LIPE: variants seen among roughly 807,000 people sequenced by gnomAD.
LIPE encodes hormone-sensitive lipase.
LIPE carries 66 observed loss-of-function variants against 88.5 expected under a neutral mutation model. That is an observed-to-expected ratio of 0.75 (90% CI 0.61 to 0.91). LIPE has a LOEUF of 0.91. LIPE is among the 40% of genes least tolerant of loss of function. The pLI is 0.00. For missense variants in LIPE, 1,346 were observed against 1,434.7 expected, an observed-to-expected ratio of 0.94 and a Z score of 1.00; for synonymous variants, 570 against 617.5, an observed-to-expected ratio of 0.92 and a Z score of 1.14.
Position 42,402,601 on chromosome 19 carries a change from G to T in LIPE, c.2967+6C>A, listed in dbSNP as rs1286357455. On this transcript the variant is annotated splice_donor_region_variant and intron_variant, in intron 9 of 9. Coordinates refer to ENST00000244289, the MANE Select transcript of LIPE (RefSeq NM_005357.4). Reference sequence around the variant, plus strand: ...TGCACCTGTACCGGCCCCCTCTGTCGCTCACCACGATGTGCACAGGTGGCA... The same window carrying T: ...TGCACCTGTACCGGCCCCCTCTGTCTCTCACCACGATGTGCACAGGTGGCA... The T allele has an allele frequency of 1.4e-6, 2 of 1,474,076 alleles. No individual in the cohort carries two copies. The highest frequency in any genetic ancestry group is 1.8e-6 in the Non-Finnish European group (2 of 1,109,308). The allele number at this position is 1,474,076 out of a possible 1,614,324, so 91.3% of individuals were successfully genotyped here. A position where few individuals can be genotyped will look rare whatever the true frequency, so the allele number is the denominator to read the frequency against.
At chr19:42,417,158 G>C (rs1368818682) in intron 1 of LIPE, among the ~76,000 whole-genome samples, 1 of 152,220 alleles carries the variant, frequency 6.6e-6, no homozygotes, top group Non-Finnish European at 1.5e-5. Flanking sequence ...CTGACCTCGT[G>C]ATTCGCCTGC....
chr19:42,401,878 G>T lies in LIPE; in HGVS notation c.3165C>A (p.Ala1055=). ...CCGTCTCCCCGCTCGGCCCGGCTCC[G>T]GCGGGAGGAGTGAGGACGAGGCGGA... ...ERIRLVLTPP[A]GAGPSGETGA... is the part of the protein sequence containing the mutation. Residue 1055 remains alanine, a synonymous_variant, in exon 10 of 10, where the codon GCC becomes GCA. Transcript: ENST00000244289. The T allele has an allele frequency of 7.1e-7, 1 of 1,399,190 alleles. No homozygotes were observed. The allele number at this position is 1,399,190 out of a possible 1,614,324, so 86.7% of individuals were successfully genotyped here. A position where few individuals can be genotyped will look rare whatever the true frequency, so the allele number is the denominator to read the frequency against.
At position 42,407,404 on chromosome 19, in the gene LIPE, C is replaced by T. The variant is rs987341150; in HGVS notation, c.1907G>A (p.Arg636His). 40 of 1,613,408 alleles carry T rather than the reference C, an allele frequency of 2.5e-5. No individual in the cohort carries two copies. The highest frequency in any genetic ancestry group is 1.6e-4 in the Middle Eastern group (1 of 6,080). Residue 636 changes from arginine to histidine, a missense_variant, in exon 6 of 10, where the codon CGC becomes CAC. Arg to His is a conservative substitution (Grantham distance 29). Coordinates refer to ENST00000244289, the MANE Select transcript of LIPE (RefSeq NM_005357.4). This position sits in a 1 kb window ranked among gnomAD's most constrained non-coding sequence, Gnocchi z 5.8. ...NGQRSLELWP[R>H]PQQAPRSRSL... ...CCGCGAGCGGGGTGCCTGCTGGGGG[C>T]GCGGCCACAGCTCCAGGCTCCGTTG... is the stretch of plus-strand genomic sequence containing the variant.
chr19:42,410,218 A>G lies in LIPE; in HGVS notation c.1419+89T>C, dbSNP rs570682413. On this transcript the variant is annotated intron_variant, in intron 2 of 9. Coordinates refer to ENST00000244289, the MANE Select transcript of LIPE (RefSeq NM_005357.4). The surrounding 1 kb of genome is among the most constrained non-coding windows in gnomAD (Gnocchi z 6.1). ...TTTGCTGAGTCCGATAATGCTGACC[A>G]CTGGTTACTTTACCATACTATAGGC... 2.2e-5 allele frequency: 28 copies of G among 1,287,708 alleles called. No homozygotes were observed. The African/African-American group carries it at 4.2e-4, about 19-fold the overall frequency. The allele number at this position is 1,287,708 out of a possible 1,614,324, so 79.8% of individuals were successfully genotyped here.
intron 1 of LIPE, among the ~76,000 whole-genome samples, chr19:42,413,803 C>G (rs1244215677): frequency 6.6e-6 from 1 of 152,244 alleles, no homozygotes; most frequent in Non-Finnish European, 1.5e-5. Context: ...TGGGGCCTAT[C>G]ATGGGACCTG....
rs752791172 is a variant in LIPE, at chr19:42,427,143, G to A, written c.7C>T (p.Pro3Ser). Reference sequence around the variant, plus strand: ...GACCTAGACACTGACTTAGAACCTGGCTCCATTGTTATTTCCCTCACGGGA... The same window carrying A: ...GACCTAGACACTGACTTAGAACCTGACTCCATTGTTATTTCCCTCACGGGA... ME[P>S]GSKSVSRSDW... The change falls in exon 1 of 10, where the codon CCA becomes TCA. Residue 3 changes from proline (P) to serine (S), a missense_variant. Coordinates refer to ENST00000244289, the MANE Select transcript of LIPE (RefSeq NM_005357.4). The A allele has an allele frequency of 6.9e-6, 11 of 1,591,060 alleles. No homozygotes were observed. The highest frequency in any genetic ancestry group is 6.8e-5 in the South Asian group (6 of 88,110).
At chr19:42,411,241 C>T (rs763641949) in intron 1 of LIPE, 14 of 915,936 alleles carry the variant, frequency 1.5e-5, no homozygotes, top group Non-Finnish European at 1.7e-5. Flanking sequence ...TGAGCCCACA[C>T]GACTCTGCTT....
chr19:42,405,328 C>A, intron 8 of LIPE, 57 bp downstream of exon 8: 1 of 1,564,972 alleles, frequency 6.4e-7, no homozygotes. Flanking sequence ...TTTTGCTGTG[C>A]TAGGCTGTCC....
At chr19:42,403,150 A>C (rs2040045863) in intron 8 of LIPE, 119 bp from the exon 9 acceptor site, 1 of 1,038,258 alleles carries the variant, frequency 9.6e-7, no homozygotes, top group Non-Finnish European at 1.4e-6. Flanking sequence ...GTGTTTCCCC[A>C]GACTCTTGCC....
chr19:42,403,243 G>A lies in LIPE; in HGVS notation c.2543-212C>T, dbSNP rs1158930556. On this transcript the variant is annotated intron_variant, in intron 8 of 9. Transcript: ENST00000244289. ...GGGGCAGTGTGTTCTAGTGAAGGATGTGTGTGTGTGTGTGTGTGTGTGTGT... is the reference window on the plus strand; with the variant it reads ...GGGGCAGTGTGTTCTAGTGAAGGATATGTGTGTGTGTGTGTGTGTGTGTGT... Among the ~76,000 whole-genome samples the A allele has an allele frequency of 6.7e-5, 3 of 44,728 alleles. No individual in the cohort carries two copies. In the Admixed American group the frequency reaches 8.0e-4, roughly 12 times the overall value. The allele number at this position is 44,728 out of a possible 152,430, so 29.3% of individuals were successfully genotyped here.
chr19:42,402,646 G>A lies in LIPE; in HGVS notation c.2928C>T (p.Pro976=), dbSNP rs765857264. ...GTGGCAGGCTCTTGAGCATGCTGTCGGGTGCCAGCAGCGGCGACATGAAGG... is the reference window on the plus strand; with the variant it reads ...GTGGCAGGCTCTTGAGCATGCTGTCAGGTGCCAGCAGCGGCGACATGAAGG... ...KNPFMSPLLA[P]DSMLKSLPPV... is the part of the protein sequence containing the mutation. The change falls in exon 9 of 10, where the codon CCC becomes CCT. Residue 976 remains proline (P), a synonymous_variant. Transcript: ENST00000244289. 37 of 1,497,464 alleles carry A rather than the reference G, an allele frequency of 2.5e-5. No individual in the cohort carries two copies. The highest frequency in any genetic ancestry group is 3.6e-4 in the Middle Eastern group (2 of 5,544). The allele number at this position is 1,497,464 out of a possible 1,614,324, so 92.8% of individuals were successfully genotyped here.
Position 42,410,998 on chromosome 19 carries a change from C to T in LIPE, c.884-156G>A, listed in dbSNP as rs912510431. The stretch of plus-strand genomic sequence containing the variant: ...GCCCAGGACCCCAGGTTCCTCCTCC[C>T]TTAGACATAAGAGGTCACCCTCTTG... On this transcript the variant is annotated intron_variant, in intron 1 of 9. Coordinates refer to ENST00000244289, the MANE Select transcript of LIPE (RefSeq NM_005357.4). This position sits in a 1 kb window ranked among gnomAD's most constrained non-coding sequence, Gnocchi z 6.1. Among the ~76,000 whole-genome samples the T allele has an allele frequency of 3.3e-5, 5 of 152,190 alleles. No individual in the cohort carries two copies. The highest frequency in any genetic ancestry group is 7.3e-5 in the Non-Finnish European group (5 of 68,030).
Position 42,401,821 on chromosome 19 carries a change from C to CCCCCCGCAGCCCCCGTCTA in LIPE, c.3203_3221dup (p.His1076ArgfsTer21), listed in dbSNP as rs587777699. 1.5e-4 allele frequency: 222 copies of CCCCCCGCAGCCCCCGTCTA among 1,480,228 alleles called. 2 individuals carry two copies. Among genetic ancestry groups the CCCCCCGCAGCCCCCGTCTA allele is most frequent in the Non-Finnish European group, 1.8e-4 (197 of 1,118,116 alleles). 91.7% of individuals were successfully genotyped at this position (1,480,228 alleles called of 1,614,324 possible). A position where few individuals can be genotyped will look rare whatever the true frequency, so the allele number is the denominator to read the frequency against. On this transcript the variant is annotated frameshift_variant, in exon 10 of 10. Coordinates refer to ENST00000244289, the MANE Select transcript of LIPE (RefSeq NM_005357.4). LOFTEE classifies it high-confidence loss of function. ...TGGGAACAACAGGCTTTTAGTGTCG[C>CCCCCCGCAGCCCCCGTCTA]CCCCCGCAGCCCCCGTCTACCCCCG...
At position 42,410,621 on chromosome 19, in the gene LIPE, G is replaced by T. The variant is rs201963243; in HGVS notation, c.1105C>A (p.Pro369Thr). ...AHLFDLDPET[P>T]ANGYRSLVHT... is the part of the protein sequence containing the mutation. The stretch of plus-strand genomic sequence containing the variant: ...ACTAGGCTGCGGTACCCGTTGGCCG[G>T]TGTCTCTGGGTCCAGGTCAAAGAGG... Residue 369 changes from proline to threonine, a missense_variant, in exon 2 of 10, where the codon CCG becomes ACG. Coordinates refer to ENST00000244289, the MANE Select transcript of LIPE (RefSeq NM_005357.4). The surrounding 1 kb of genome is among the most constrained non-coding windows in gnomAD (Gnocchi z 6.1). 4.3e-6 allele frequency: 7 copies of T among 1,613,476 alleles called. No homozygotes were observed. In the African/African-American group the frequency reaches 9.3e-5, roughly 22 times the overall value.
At position 42,426,855 on chromosome 19, in the gene LIPE, G is replaced by A. The variant is rs116152392; in HGVS notation, c.295C>T (p.Pro99Ser). Reference sequence around the variant, plus strand: ...GTGAGCAGCACCCTTTGGATGTAAGGTGATTGCTGTGGTGCGGGCTTCTGT... The same window carrying A: ...GTGAGCAGCACCCTTTGGATGTAAGATGATTGCTGTGGTGCGGGCTTCTGT... ...APQKPAPQQS[P>S]YIQRVLLTQQ... is the part of the protein sequence containing the mutation. The change falls in exon 1 of 10, where the codon CCT becomes TCT. Residue 99 changes from proline (P) to serine (S), a missense_variant. Physicochemically the swap from Pro to Ser is moderately conservative, Grantham distance 74. Transcript: ENST00000244289. 1,345 of 1,614,170 alleles carry A rather than the reference G, an allele frequency of 8.3e-4. 17 individuals are homozygous for A. In the African/African-American group the frequency reaches 0.016, roughly 19 times the overall value.
At position 42,402,907 on chromosome 19, in the gene LIPE, C is replaced by T. The variant is rs1167517440; in HGVS notation, c.2667G>A (p.Ser889=). The change falls in exon 9 of 10, where the codon TCG becomes TCA. Residue 889 remains serine, a synonymous_variant. Coordinates refer to ENST00000244289, the MANE Select transcript of LIPE (RefSeq NM_005357.4). ...CTGACAGCGACATCTCGGGGGTGTC[C>T]GACGACGTCTCGGAGTTTCCCCTCA... The part of the protein sequence containing the change: ...LSLRGNSETS[S]DTPEMSLSAE... 11 of 1,612,720 alleles carry T rather than the reference C, an allele frequency of 6.8e-6. No individual in the cohort carries two copies. The highest frequency in any genetic ancestry group is 2.2e-5 in the East Asian group (1 of 44,878).
At position 42,410,446 on chromosome 19, in the gene LIPE, T is replaced by A. The variant is rs769577111; in HGVS notation, c.1280A>T (p.Tyr427Phe). Residue 427 changes from tyrosine (Y) to phenylalanine (F), a missense_variant, in exon 2 of 10, where the codon TAC becomes TTC. Transcript: ENST00000244289. This position sits in a 1 kb window ranked among gnomAD's most constrained non-coding sequence, Gnocchi z 6.1. ...AALTQLRALV[Y>F]YAQRLLVTNR... is the part of the protein sequence containing the mutation. ...GGTAACCAGCAGGCGCTGGGCGTAG[T>A]AGACCAGAGCGCGGAGCTGGGTGAG... 6.2e-7 allele frequency: 1 copy of A among 1,614,144 alleles called. No individual in the cohort carries two copies. The highest frequency in any genetic ancestry group is 1.1e-5 in the South Asian group (1 of 91,088).
intron 1 of LIPE, among the ~76,000 whole-genome samples, chr19:42,417,577 A>T (rs1019572942): frequency 1.3e-5 from 2 of 151,986 alleles, no homozygotes; most frequent in African/African-American, 4.8e-5. Context: ...TTTTTAAGAG[A>T]CAGGGCTGTG....
At position 42,408,036 on chromosome 19, in the gene LIPE, C is replaced by G. The variant is rs747222961; in HGVS notation, c.1596G>C (p.Gln532His). 4.3e-6 allele frequency: 7 copies of G among 1,613,928 alleles called. No homozygotes were observed. Among genetic ancestry groups the G allele is most frequent in the Non-Finnish European group, 5.1e-6 (6 of 1,179,884 alleles). The change falls in exon 4 of 10, where the codon CAG becomes CAC. Residue 532 changes from glutamine to histidine, a missense_variant. Coordinates refer to ENST00000244289, the MANE Select transcript of LIPE (RefSeq NM_005357.4). This position sits in a 1 kb window ranked among gnomAD's most constrained non-coding sequence, Gnocchi z 4.3. ...LRGAEFERIT[Q>H]NLDVHFWKAF... ...CTTTCCAGAAGTGCACGTCCAGGTT[C>G]TGTGTGATCCGCTCAAACTCAGCCC...
Sources: allele counts gnomAD v4.1 joint callset (sites outside exome capture counted in the v4.1 genomes callset), GRCh38; gene constraint gnomAD v4.1.1; non-coding constraint Gnocchi (gnomAD v3.1); transcripts MANE v1.5; gene names NCBI Gene and HGNC (gene_info 2026-07-23, HGNC 2026-07-21).